The following ANO9 variants were observed in gnomAD, a reference collection of about 807,000 sequenced individuals.
ANO9 encodes the protein anoctamin-9.
In ANO9, 80 loss-of-function variants were observed where a neutral mutation model predicts 100.5. The ratio of observed to expected loss-of-function variants is 0.80; its 90% confidence interval spans 0.66 to 0.96. ANO9 has a LOEUF of 0.96. Among genes scored for constraint, ANO9 ranks in the 40% least tolerant of loss-of-function variants. ANO9 has a pLI of 0.00. For synonymous variants in ANO9, 473 were observed against 435.6 expected (o/e 1.09, Z -1.07); for missense variants, 1,064 against 1,072.7 (o/e 0.99, Z 0.11).
At chr11:441,799 A>G in intron 1 of ANO9, 122 bp downstream of exon 1, 1 of 1,362,132 alleles carries the variant, frequency 7.3e-7, no homozygotes, top group Non-Finnish European at 9.8e-7. Context: ...GCCTGCAGGG[A>G]CCCCCCCCAC....
In ANO9 at chr11:419,677, A is replaced by G; in HGVS notation, c.1839T>C (p.Asn613=). Residue 613 remains asparagine, a synonymous_variant, in exon 20 of 23, where the codon AAT becomes AAC. Transcript: ENST00000332826. ...ETIGVLAVIA[N]GMVIAFTSEF... is the part of the protein sequence containing the mutation. ...CAGATGTGAAGGCAATGACCATCCCATTGGCAATGACCGCCAGCACACCGA... is the reference window on the plus strand; with the variant it reads ...CAGATGTGAAGGCAATGACCATCCCGTTGGCAATGACCGCCAGCACACCGA... The G allele has an allele frequency of 6.2e-7, 1 of 1,611,380 alleles. No individual in the cohort carries two copies. Among genetic ancestry groups the G allele is most frequent in the Non-Finnish European group, 8.5e-7 (1 of 1,179,566 alleles).
At chr11:433,221 C>T in intron 4 of ANO9, 93 bp downstream of exon 4, 1 of 1,504,122 alleles carries the variant, frequency 6.6e-7, no homozygotes, top group Non-Finnish European at 8.9e-7. Context: ...CTTGGCGACG[C>T]CTGGAGCCTG....
At chr11:427,468 A>T (rs1345945419) in intron 15 of ANO9, among the ~76,000 whole-genome samples, 1 of 152,070 alleles carries the variant, frequency 6.6e-6, no homozygotes, top group Non-Finnish European at 1.5e-5. Context: ...GCAGTGGCTC[A>T]CGCCTGAAAT....
chr11:420,902 A>G, intron 17 of ANO9, 42 bp from the exon 18 acceptor site: 6 of 1,583,324 alleles, frequency 3.8e-6, no homozygotes, highest in Non-Finnish European at 3.4e-6. Flanking sequence ...CAGGGGGCGG[A>G]GGGGCCTGGG....
At position 432,365 on chromosome 11, in the gene ANO9, C is replaced by T. The variant is rs1849083260; in HGVS notation, c.351-311G>A. 4.3e-6 allele frequency: 2 copies of T among 466,234 alleles called. No individual in the cohort carries two copies. The highest frequency in any genetic ancestry group is 4.8e-5 in the South Asian group (2 of 41,768). The allele number at this position is 466,234 out of a possible 1,614,324, so 28.9% of individuals were successfully genotyped here. ...CCCGCACCTGCAACCACACCTCCCA[C>T]CTGCGGGCCCCATGTGTCCAGAGCA... On this transcript the variant is annotated intron_variant, in intron 4 of 22. Coordinates refer to ENST00000332826, the MANE Select transcript of ANO9 (RefSeq NM_001012302.3). The surrounding 1 kb of genome is among the most constrained non-coding windows in gnomAD (Gnocchi z 4.8).
rs1205893825 is a variant in ANO9, at chr11:428,155, G to A, written c.1267C>T (p.Arg423Cys). 1.2e-5 allele frequency: 20 copies of A among 1,611,726 alleles called. No individual in the cohort carries two copies. The highest frequency in any genetic ancestry group is 4.5e-5 in the East Asian group (2 of 44,718). ...GTGAAGAACTGCAGTGTGAAGAAGCGGATGGTGAACCTGCTCTCTCGCTCC... is the reference window on the plus strand; with the variant it reads ...GTGAAGAACTGCAGTGTGAAGAAGCAGATGGTGAACCTGCTCTCTCGCTCC... ...FSERESRFTI[R>C]FFTLQFFTHF... The change falls in exon 15 of 23, where the codon CGC becomes TGC. Residue 423 changes from arginine to cysteine, a missense_variant. Physicochemically the swap from Arg to Cys is radical, Grantham distance 180 (BLOSUM62 -3). Transcript: ENST00000332826.
chr11:430,016 C>G, intron 9 of ANO9, 67 bp downstream of exon 9: 1 of 1,507,086 alleles, frequency 6.6e-7, no homozygotes, highest in African/African-American at 1.4e-5. Flanking sequence ...CTTGATCTCC[C>G]CCGCTTCGGG....
At position 433,929 on chromosome 11, in the gene ANO9, G is replaced by T; in HGVS notation, c.90C>A (p.Ala30=). Residue 30 remains alanine (A), a synonymous_variant, in exon 3 of 23, where the codon GCC becomes GCA. Coordinates refer to ENST00000332826, the MANE Select transcript of ANO9 (RefSeq NM_001012302.3). ...CGAGGACATAGTCCCACTGCTCGGA[G>T]GCCTCGGTCTGCAGGGAGGAGGCAT... is the stretch of plus-strand genomic sequence containing the variant. ...LMEISTCETE[A]SEQWDYVLVA... The T allele has an allele frequency of 6.4e-7, 1 of 1,562,112 alleles. No homozygotes were observed. Among genetic ancestry groups the T allele is most frequent in the Non-Finnish European group, 8.7e-7 (1 of 1,153,116 alleles).
intron 1 of ANO9, 81 bp from the exon 2 acceptor site, chr11:434,179 G>C: frequency 8.2e-6 from 12 of 1,471,164 alleles, no homozygotes; most frequent in Non-Finnish European, 1.1e-5. Context: ...CCCTGCAGCG[G>C]ACCACATGGT....
At chr11:420,098 G>A (rs889715779) in intron 19 of ANO9, 20 of 1,312,092 alleles carry the variant, frequency 1.5e-5, no homozygotes, top group African/African-American at 3.0e-5. Flanking sequence ...CACATCCAGC[G>A]CCCCAGCTCC....
At chr11:419,136 G>A in intron 20 of ANO9, 147 bp from the exon 21 acceptor site, 2 of 1,468,488 alleles carry the variant, frequency 1.4e-6, no homozygotes, top group Non-Finnish European at 1.8e-6. Flanking sequence ...GGGCTCCCGG[G>A]CCAAGCACAT....
At chr11:426,863 G>A (rs1848550101) in intron 15 of ANO9, among the ~76,000 whole-genome samples, 1 of 152,098 alleles carries the variant, frequency 6.6e-6, no homozygotes, top group African/African-American at 2.4e-5. Flanking sequence ...AGCTCACTAG[G>A]GGTTTGAACA....
intron 1 of ANO9, among the ~76,000 whole-genome samples, chr11:436,063 C>CTTTTTTTTTTT (rs10707508): frequency 1.0e-5 from 1 of 99,282 alleles, no homozygotes; most frequent in Non-Finnish European, 1.9e-5. Context: ...CTTTTCTTTC[C>CTTTTTTTTTTT]TTTTTTTTTT....
At chr11:418,679 T>G (rs749550520) in intron 22 of ANO9, 41 bp downstream of exon 22, 2 of 1,611,754 alleles carry the variant, frequency 1.2e-6, no homozygotes, top group Non-Finnish European at 1.7e-6. Context: ...GGGAGAGCAC[T>G]GCCCAGACCC....
intron 15 of ANO9, among the ~76,000 whole-genome samples, chr11:425,793 G>A (rs1375033151): frequency 3.3e-5 from 5 of 151,744 alleles, no homozygotes; most frequent in Non-Finnish European, 7.4e-5. Flanking sequence ...GTGCAGTGGC[G>A]CGATCTCAGC....
At chr11:431,119 T>C (rs1376632908) in intron 7 of ANO9, among the ~76,000 whole-genome samples, 2 of 3,680 alleles carry the variant, frequency 5.4e-4, no homozygotes, top group Non-Finnish European at 4.1e-4. Flanking sequence ...TGGGGGCGTC[T>C]GCGGGGGTGT....
chr11:423,437 A>C (rs1056653786), intron 15 of ANO9, among the ~76,000 whole-genome samples: 6 of 152,216 alleles, frequency 3.9e-5, no homozygotes, highest in Non-Finnish European at 7.4e-5. Flanking sequence ...ACTGGGTGCC[A>C]TTTGGAAAAC....
At chr11:419,535 G>C in intron 20 of ANO9, 47 bp downstream of exon 20, 1 of 1,601,698 alleles carries the variant, frequency 6.2e-7, no homozygotes, top group Non-Finnish European at 8.5e-7. Context: ...CTTGGCTGTG[G>C]TAGGGCCAGT....
At position 422,025 on chromosome 11, in the gene ANO9, G is replaced by A. The variant is rs755184867; in HGVS notation, c.1335-827C>T. 2.0e-5 allele frequency among the ~76,000 whole-genome samples: 3 copies of A among 152,190 alleles called. No homozygotes were observed. The highest frequency in any genetic ancestry group is 4.4e-5 in the Non-Finnish European group (3 of 68,028). ...ATCAAAATAAAACAACTGAAAGCCT[G>A]GGTGGATAAATCAATCGAGTGCTCA... On this transcript the variant is annotated intron_variant, in intron 15 of 22. Coordinates refer to ENST00000332826, the MANE Select transcript of ANO9 (RefSeq NM_001012302.3). The surrounding 1 kb of genome is among the most constrained non-coding windows in gnomAD (Gnocchi z 4.3).
Sources: allele counts gnomAD v4.1 joint callset (sites outside exome capture counted in the v4.1 genomes callset), GRCh38; gene constraint gnomAD v4.1.1; non-coding constraint Gnocchi (gnomAD v3.1); transcripts MANE v1.5; gene names NCBI Gene and HGNC (gene_info 2026-07-23, HGNC 2026-07-21).